CTNNA2: variants seen among roughly 807,000 people sequenced by gnomAD.
The protein encoded by CTNNA2 is catenin alpha-2.
CTNNA2 carries 42 observed loss-of-function variants against 101.0 expected under a neutral mutation model. The observed-to-expected ratio is 0.42, with a 90% CI of 0.32 to 0.54. CTNNA2 has a LOEUF of 0.54. Ranked by LOEUF, CTNNA2 falls within the 20% of genes least tolerant of loss-of-function variation. The pLI is 0.14. For synonymous variants in CTNNA2, 450 were observed against 456.4 expected, an observed-to-expected ratio of 0.99 and a Z score of 0.18; for missense variants, 871 against 1,223.1, an observed-to-expected ratio of 0.71 and a Z score of 4.29.
chr2:80,025,209 T>A (rs554145285), intron 7 of CTNNA2, among the ~76,000 whole-genome samples: 1 of 152,292 alleles, frequency 6.6e-6, no homozygotes, highest in Admixed American at 6.5e-5. Flanking sequence ...AGGGTGGTTT[T>A]GGAAATGGCA....
At chr2:79,213,775 G>T (rs1305354754) in intron 2 of CTNNA2, among the ~76,000 whole-genome samples, 2 of 152,192 alleles carry the variant, frequency 1.3e-5, no homozygotes, top group South Asian at 2.1e-4. Flanking sequence ...TCAACAAAGA[G>T]TGAGTATAGC....
chr2:80,067,806 C>A (rs978143156), intron 7 of CTNNA2, among the ~76,000 whole-genome samples: 2 of 152,192 alleles, frequency 1.3e-5, no homozygotes, highest in Non-Finnish European at 2.9e-5. Flanking sequence ...CAAAGCTGTG[C>A]AGACTTCCAT....
At chr2:79,563,562 TG>T (rs1674926952) in intron 1 of CTNNA2, among the ~76,000 whole-genome samples, 1 of 152,048 alleles carries the variant, frequency 6.6e-6, no homozygotes, top group Non-Finnish European at 1.5e-5. Context: ...GGAGTTTGGG[TG>T]GGGCAGGTTC....
chr2:79,732,562 A>G (rs1248550074), intron 2 of CTNNA2, among the ~76,000 whole-genome samples: 1 of 152,114 alleles, frequency 6.6e-6, no homozygotes, highest in Non-Finnish European at 1.5e-5. Flanking sequence ...TTTCTAAATG[A>G]GCATACATTC....
intron 6 of CTNNA2, among the ~76,000 whole-genome samples, chr2:79,881,798 C>A (rs943549873): frequency 9.4e-5 from 14 of 149,596 alleles, no homozygotes; most frequent in African/African-American, 3.5e-4. Flanking sequence ...GCCATTTAGC[C>A]CATTTAAATT....
At chr2:79,311,064 A>G (rs974857227) in intron 2 of CTNNA2, among the ~76,000 whole-genome samples, 2 of 152,228 alleles carry the variant, frequency 1.3e-5, no homozygotes, top group Non-Finnish European at 2.9e-5. Context: ...AAAGCCCAAC[A>G]GTAGGAAGCT....
chr2:79,560,523 A>C (rs1573346338), intron 1 of CTNNA2, among the ~76,000 whole-genome samples: 1 of 152,072 alleles, frequency 6.6e-6, no homozygotes, highest in South Asian at 2.1e-4. Flanking sequence ...GAATAGGAAA[A>C]ACAATAGGAG....
chr2:79,927,725 G>A (rs1687121775), intron 7 of CTNNA2, among the ~76,000 whole-genome samples: 1 of 152,148 alleles, frequency 6.6e-6, no homozygotes, highest in African/African-American at 2.4e-5. Context: ...ATGTTACTCT[G>A]TAAATATTTG....
In CTNNA2 at chr2:80,166,657, A is replaced by G. The variant is rs566630584; in HGVS notation, c.1057-226554A>G. 2.0e-5 allele frequency among the ~76,000 whole-genome samples: 3 copies of G among 152,188 alleles called. No individual in the cohort carries two copies. The East Asian group carries it at 5.8e-4, about 29-fold the overall frequency. On this transcript the variant is annotated intron_variant, in intron 7 of 18. Coordinates refer to ENST00000402739, the MANE Select transcript of CTNNA2 (RefSeq NM_001282597.3). ...CTGAGGAAGGTCATGGGAACCCCTGATTTATAGCCAGTTGATCAGATGACA... is the reference window on the plus strand; with the variant it reads ...CTGAGGAAGGTCATGGGAACCCCTGGTTTATAGCCAGTTGATCAGATGACA...
chr2:79,884,888 C>T (rs1448676403), intron 6 of CTNNA2, among the ~76,000 whole-genome samples: 3 of 151,836 alleles, frequency 2.0e-5, no homozygotes, highest in Middle Eastern at 3.2e-3. Context: ...AAAAATAATC[C>T]CTGGCTGGCA....
At chr2:79,998,997 T>C (rs1692744400) in intron 7 of CTNNA2, among the ~76,000 whole-genome samples, 1 of 152,058 alleles carries the variant, frequency 6.6e-6, no homozygotes. Context: ...TTGAAGACAA[T>C]AGAAGTCTAC....
Position 80,606,176 on chromosome 2 carries a change from G to A in CTNNA2, c.2295+1997G>A, listed in dbSNP as rs185062726. Among the ~76,000 whole-genome samples, 26 of 151,848 alleles carry A rather than the reference G, an allele frequency of 1.7e-4. 1 individual carries two copies. Among genetic ancestry groups the A allele is most frequent in the Admixed American group, 1.4e-3 (21 of 15,218 alleles). On this transcript the variant is annotated intron_variant, in intron 16 of 18. Coordinates refer to ENST00000402739, the MANE Select transcript of CTNNA2 (RefSeq NM_001282597.3). ...GGACTTCTTGGGAGTGAAAATGAGCGGAGTTTGAATGGCTGTTTCATTACA... is the reference window on the plus strand; with the variant it reads ...GGACTTCTTGGGAGTGAAAATGAGCAGAGTTTGAATGGCTGTTTCATTACA...
At chr2:79,201,335 T>A (rs1572976027) in intron 2 of CTNNA2, among the ~76,000 whole-genome samples, 1 of 152,278 alleles carries the variant, frequency 6.6e-6, no homozygotes, top group Middle Eastern at 3.4e-3. Flanking sequence ...TGGTTGTTCA[T>A]CTTAACTTTA....
At chr2:79,745,649 C>T (rs1671594095) in intron 3 of CTNNA2, among the ~76,000 whole-genome samples, 1 of 152,134 alleles carries the variant, frequency 6.6e-6, no homozygotes, top group Non-Finnish European at 1.5e-5. Context: ...AATTTGACTG[C>T]TCTAAATACC....
chr2:79,865,308 A>G (rs777506703), intron 4 of CTNNA2, among the ~76,000 whole-genome samples: 6 of 152,210 alleles, frequency 3.9e-5, no homozygotes, highest in African/African-American at 7.2e-5. Flanking sequence ...AATAAGTACA[A>G]TAGTTAGATG....
rs558280580 is a variant in CTNNA2, at chr2:80,491,940, C to T, written c.1291-53042C>T. ...AGAGCCACCTGGTGGGGGTATCCAC[C>T]GTCCATGGGAAGTGAGGAGAGAGGT... is the stretch of plus-strand genomic sequence containing the variant. On this transcript the variant is annotated intron_variant, in intron 9 of 18. Coordinates refer to ENST00000402739, the MANE Select transcript of CTNNA2 (RefSeq NM_001282597.3). Among the ~76,000 whole-genome samples the T allele has an allele frequency of 6.0e-4, 91 of 152,198 alleles. 1 individual carries two copies. The highest frequency in any genetic ancestry group is 9.7e-4 in the Non-Finnish European group (66 of 68,008).
At chr2:80,200,054 G>A (rs1190392861) in intron 7 of CTNNA2, among the ~76,000 whole-genome samples, 4 of 152,110 alleles carry the variant, frequency 2.6e-5, no homozygotes, top group Admixed American at 6.6e-5. Flanking sequence ...GAAACAACTC[G>A]ACAGCCAGTT....
intron 7 of CTNNA2, among the ~76,000 whole-genome samples, chr2:80,257,468 C>G (rs2862025): frequency 0.18 from 27,167 of 151,984 alleles, 2,964 homozygotes; most frequent in East Asian, 0.33. Context: ...TATAAAGAAC[C>G]CTGTGAATGT....
intron 2 of CTNNA2, among the ~76,000 whole-genome samples, chr2:79,247,275 T>A (rs1319135198): frequency 6.6e-6 from 1 of 152,244 alleles, no homozygotes; most frequent in East Asian, 1.9e-4. Context: ...CTTTTAACTG[T>A]TAATTTGAAT....
Sources: gnomAD v4.1 joint callset for allele counts (sites outside exome capture counted in the v4.1 genomes callset) on GRCh38, gnomAD v4.1.1 for gene constraint, MANE v1.5 for transcripts, NCBI Gene and HGNC (gene_info 2026-07-23, HGNC 2026-07-21) for gene names.